Variants in BRAP observed in about 807,000 individuals in gnomAD.
BRAP encodes BRCA1-associated protein.
A neutral mutation model predicts 73.4 loss-of-function variants in BRAP; 42 were observed. The ratio of observed to expected loss-of-function variants is 0.57; its 90% CI spans 0.45 to 0.74. The LOEUF (loss-of-function observed/expected upper bound fraction) is 0.74, where lower values mean the gene tolerates loss of function less well. Among genes scored for constraint, BRAP ranks in the 30% least tolerant of loss-of-function variants. The probability of loss-of-function intolerance (pLI) is 0.00; values close to 1 mark genes in which losing one functional copy is unlikely to be tolerated. For missense variants in BRAP, 593 were observed against 751.4 expected (o/e 0.79, Z 2.46); for synonymous variants, 255 against 267.4 (o/e 0.95, Z 0.45).
chr12:111,670,732 C>T (rs1225659353), intron 5 of BRAP, among the ~76,000 whole-genome samples: 4 of 151,726 alleles, frequency 2.6e-5, no homozygotes, highest in East Asian at 1.9e-4. Context: ...TCAAGTTATC[C>T]GCCCACCTTG....
chr12:111,660,179 T>C (rs1441140520), intron 7 of BRAP, among the ~76,000 whole-genome samples: 2 of 152,108 alleles, frequency 1.3e-5, no homozygotes, highest in African/African-American at 4.8e-5. Context: ...GGGTCATTTT[T>C]TTTTTGCTGA....
intron 1 of BRAP, among the ~76,000 whole-genome samples, chr12:111,683,659 G>C (rs1028619314): frequency 6.6e-6 from 1 of 152,152 alleles, no homozygotes; most frequent in Non-Finnish European, 1.5e-5. Flanking sequence ...TCCTGCCCCA[G>C]CCTCCCGAGT....
At chr12:111,684,505 T>G (rs1287577154) in intron 1 of BRAP, among the ~76,000 whole-genome samples, 1 of 152,130 alleles carries the variant, frequency 6.6e-6, no homozygotes, top group Non-Finnish European at 1.5e-5. Context: ...CCCAAATTGT[T>G]TCTCCTTTCC....
At chr12:111,676,013 G>T (rs77342832) in intron 4 of BRAP, among the ~76,000 whole-genome samples, 2,366 of 151,838 alleles carry the variant, frequency 0.016, 71 homozygotes, top group African/African-American at 0.054. Context: ...ACTACAAATT[G>T]GTAAGCACAC....
intron 5 of BRAP, among the ~76,000 whole-genome samples, chr12:111,667,161 T>C (rs1285220578): frequency 1.3e-5 from 2 of 152,202 alleles, no homozygotes; most frequent in Admixed American, 1.3e-4. Flanking sequence ...GAGTTCTATA[T>C]ACATTTCCAT....
At chr12:111,685,270 G>A (rs1316932563) in intron 1 of BRAP, among the ~76,000 whole-genome samples, 1 of 152,238 alleles carries the variant, frequency 6.6e-6, no homozygotes, top group Non-Finnish European at 1.5e-5. Flanking sequence ...GTACAGTGCT[G>A]GGATATAGGA....
At chr12:111,658,609 C>A in intron 9 of BRAP, 127 bp downstream of exon 9, 1 of 684,548 alleles carries the variant, frequency 1.5e-6, no homozygotes, top group Non-Finnish European at 2.4e-6. Flanking sequence ...CAGGCATAAG[C>A]CACTGCGCCC....
intron 5 of BRAP, chr12:111,669,834 A>C (rs1247012469): frequency 3.3e-6 from 2 of 613,714 alleles, no homozygotes; most frequent in African/African-American, 3.8e-5. Context: ...CCCACACCCC[A>C]ATTTCAAAAC....
chr12:111,678,243 C>A (rs1198059352), intron 4 of BRAP, among the ~76,000 whole-genome samples: 1 of 137,938 alleles, frequency 7.2e-6, no homozygotes, highest in African/African-American at 2.8e-5. Context: ...GAGTGAAACT[C>A]CGTCTCAAAA....
chr12:111,652,066 A>G (rs1886347487), intron 10 of BRAP, among the ~76,000 whole-genome samples: 1 of 152,186 alleles, frequency 6.6e-6, no homozygotes, highest in Non-Finnish European at 1.5e-5. Flanking sequence ...GATCCTTTTG[A>G]AATTTTCTTC....
chr12:111,669,851 T>C (rs1021952816), intron 5 of BRAP: 47 of 638,656 alleles, frequency 7.4e-5, no homozygotes, highest in Non-Finnish European at 8.0e-6. Flanking sequence ...AAACATCGTT[T>C]AATTGTCTTG....
At chr12:111,649,913 CA>C (rs750965142) in intron 11 of BRAP, 25 bp downstream of exon 11, 1 of 1,492,002 alleles carries the variant, frequency 6.7e-7, no homozygotes, top group East Asian at 2.3e-5. Flanking sequence ...GAGCCTGTTA[CA>C]ACAGAATAGA....
At chr12:111,679,113 G>T in intron 4 of BRAP, 38 bp downstream of exon 4, 1 of 1,389,388 alleles carries the variant, frequency 7.2e-7, no homozygotes, top group Non-Finnish European at 9.6e-7. Flanking sequence ...CACAGTTTCT[G>T]TGGCAAAGAG....
intron 2 of BRAP, 62 bp downstream of exon 2, chr12:111,683,084 G>A: frequency 3.9e-6 from 6 of 1,541,054 alleles, no homozygotes; most frequent in Non-Finnish European, 5.3e-6. Context: ...CAAACACCGT[G>A]TATAAAATAG....
At chr12:111,672,565 G>T in intron 5 of BRAP, 96 bp downstream of exon 5, 1 of 1,034,684 alleles carries the variant, frequency 9.7e-7, no homozygotes, top group African/African-American at 1.6e-5. Context: ...TGTGTCTATG[G>T]ACTGGCCTAT....
chr12:111,670,373 T>C lies in BRAP; in HGVS notation c.747+2288A>G, dbSNP rs1887120129. The C allele has an allele frequency of 7.8e-6, 3 of 382,758 alleles. No homozygotes were observed. In the Admixed American group the frequency reaches 1.1e-4, roughly 14 times the overall value. The allele number at this position is 382,758 out of a possible 1,614,324, so 23.7% of individuals were successfully genotyped here. A position where few individuals can be genotyped will look rare whatever the true frequency, so the allele number is the denominator to read the frequency against. On this transcript the variant is annotated intron_variant, in intron 5 of 11. Transcript: ENST00000419234. ...AGCCTTCTTCTCTCCCATCCAACAT[T>C]TTCCCCCGCCACCCACTTATCAAAT...
chr12:111,680,772 T>C (rs847895), intron 3 of BRAP, among the ~76,000 whole-genome samples: 27,751 of 152,028 alleles, frequency 0.18, 2,641 homozygotes, highest in East Asian at 0.28. Flanking sequence ...GTTTTCCCAG[T>C]AGAGATCTGG....
chr12:111,666,398 C>T (rs1477330709), intron 5 of BRAP, among the ~76,000 whole-genome samples: 1 of 152,214 alleles, frequency 6.6e-6, no homozygotes, highest in African/African-American at 2.4e-5. Context: ...TTAACACTTT[C>T]TACTCAGTGA....
intron 4 of BRAP, 61 bp from the exon 5 acceptor site, chr12:111,672,835 A>C: frequency 1.6e-6 from 2 of 1,272,634 alleles, no homozygotes; most frequent in Admixed American, 3.6e-5. Context: ...AATCTGCTTT[A>C]TATTCAATAT....
Sources: allele counts gnomAD v4.1 joint callset (sites outside exome capture counted in the v4.1 genomes callset), GRCh38; gene constraint gnomAD v4.1.1; transcripts MANE v1.5; gene names NCBI Gene and HGNC (gene_info 2026-07-23, HGNC 2026-07-21).